Variants in DENND1A observed in about 807,000 individuals in gnomAD.
DENND1A encodes the protein DENN domain containing 1A.
In DENND1A, 51 loss-of-function variants were observed where a neutral mutation model predicts 113.7. That is an observed-to-expected ratio of 0.45 (90% CI 0.36 to 0.57). The LOEUF (loss-of-function observed/expected upper bound fraction) is 0.57. Among genes scored for constraint, DENND1A ranks in the 20% least tolerant of loss-of-function variants. The probability of loss-of-function intolerance (pLI) is 0.00; values close to 1 mark genes in which losing one functional copy is unlikely to be tolerated. For synonymous variants in DENND1A, 565 were observed against 570.8 expected, an observed-to-expected ratio of 0.99 and a Z score of 0.14; for missense variants, 1,258 against 1,395.9, an observed-to-expected ratio of 0.90 and a Z score of 1.57.
At chr9:123,831,842 G>C (rs933692018) in intron 2 of DENND1A, among the ~76,000 whole-genome samples, 1 of 152,144 alleles carries the variant, frequency 6.6e-6, no homozygotes, top group Non-Finnish European at 1.5e-5. Flanking sequence ...AATGAGACAG[G>C]CATGGTGGTG....
In DENND1A at chr9:123,382,060, C is replaced by T. The variant is rs768909607; in HGVS notation, c.2585G>A (p.Arg862His). Residue 862 changes from arginine (R) to histidine (H), a missense_variant, in exon 24 of 24, where the codon CGC (arginine) becomes CAC (histidine). Physicochemically the swap from Arg to His is conservative, Grantham distance 29. Coordinates refer to ENST00000394215, the MANE Select transcript of DENND1A (RefSeq NM_001352964.2). Reference sequence around the variant, plus strand: ...GGTGGCTACATTCGGGGTGGCGGGGCGTGACGGGAGGGTGCTGCCTGACCA... The same window carrying T: ...GGTGGCTACATTCGGGGTGGCGGGGTGTGACGGGAGGGTGCTGCCTGACCA... ...TAWSGSTLPS[R>H]PATPNVATPF... 9.3e-6 allele frequency: 14 copies of T among 1,502,356 alleles called. No individual in the cohort carries two copies. The African/African-American group carries it at 1.3e-4, about 14-fold the overall frequency. The allele number at this position is 1,502,356 out of a possible 1,614,324, so 93.1% of individuals were successfully genotyped here.
chr9:123,810,168 T>C (rs570656264), intron 2 of DENND1A, among the ~76,000 whole-genome samples: 9 of 152,256 alleles, frequency 5.9e-5, no homozygotes, highest in African/African-American at 2.2e-4. Context: ...AATTCTATCT[T>C]AAAAGATCTC....
intron 2 of DENND1A, among the ~76,000 whole-genome samples, chr9:123,850,130 C>A (rs368478800): frequency 6.6e-6 from 1 of 152,138 alleles, no homozygotes; most frequent in Non-Finnish European, 1.5e-5. Flanking sequence ...GAGAGGTTTC[C>A]GATTCTAAAA....
chr9:123,536,466 CAAAAAAAAA>C (rs549789129), intron 13 of DENND1A, among the ~76,000 whole-genome samples: 1 of 91,784 alleles, frequency 1.1e-5, no homozygotes, highest in Non-Finnish European at 2.4e-5. Flanking sequence ...ACTCTGTCTC[CAAAAAAAAA>C]AAAAAAAGAA....
intron 13 of DENND1A, among the ~76,000 whole-genome samples, chr9:123,547,375 CA>C (rs1173490596): frequency 6.6e-6 from 1 of 152,124 alleles, no homozygotes; most frequent in Admixed American, 6.5e-5. Flanking sequence ...ACTAAAAATA[CA>C]AAATTAGCTG....
intron 2 of DENND1A, among the ~76,000 whole-genome samples, chr9:123,830,873 G>GAAAAAA (rs71390447): frequency 5.1e-5 from 2 of 39,310 alleles, no homozygotes; most frequent in Non-Finnish European, 4.5e-5. Flanking sequence ...TCTCAAAAAT[G>GAAAAAA]AAAAAAAAAA....
At chr9:123,485,122 T>A (rs1236366076) in intron 13 of DENND1A, among the ~76,000 whole-genome samples, 3 of 152,126 alleles carry the variant, frequency 2.0e-5, no homozygotes, top group Non-Finnish European at 4.4e-5. Context: ...GGATCCCCAG[T>A]GTTGGGGGAG....
At chr9:123,800,651 A>C (rs1219923735) in intron 2 of DENND1A, among the ~76,000 whole-genome samples, 1 of 152,236 alleles carries the variant, frequency 6.6e-6, no homozygotes, top group Non-Finnish European at 1.5e-5. Flanking sequence ...TTCATGAAAC[A>C]GGCCTTAGCG....
At chr9:123,465,576 C>T (rs192980558) in intron 13 of DENND1A, among the ~76,000 whole-genome samples, 22 of 152,274 alleles carry the variant, frequency 1.4e-4, no homozygotes, top group Admixed American at 9.8e-4. Flanking sequence ...CAAATAGATT[C>T]TTTCACAATA....
intron 1 of DENND1A, among the ~76,000 whole-genome samples, chr9:123,909,220 G>A (rs1853482881): frequency 6.6e-6 from 1 of 152,054 alleles, no homozygotes; most frequent in Non-Finnish European, 1.5e-5. Context: ...AGTGGGAAGG[G>A]ATAGCATTGG....
At chr9:123,706,966 A>G (rs954242692) in intron 5 of DENND1A, among the ~76,000 whole-genome samples, 3 of 152,162 alleles carry the variant, frequency 2.0e-5, no homozygotes, top group Non-Finnish European at 4.4e-5. Context: ...GATAGCCAAG[A>G]GAAGGTGTAA....
At chr9:123,447,376 A>G (rs944908507) in intron 18 of DENND1A, among the ~76,000 whole-genome samples, 2 of 152,182 alleles carry the variant, frequency 1.3e-5, no homozygotes, top group Non-Finnish European at 2.9e-5. Context: ...TTATTTGCCA[A>G]TGGTCACACA....
At chr9:123,496,327 T>C (rs909856032) in intron 13 of DENND1A, among the ~76,000 whole-genome samples, 1 of 152,228 alleles carries the variant, frequency 6.6e-6, no homozygotes, top group Admixed American at 6.5e-5. Flanking sequence ...CTCACTGCTT[T>C]TCCTGGTGCT....
At chr9:123,619,781 A>G (rs190950758) in intron 10 of DENND1A, among the ~76,000 whole-genome samples, 102 of 152,326 alleles carry the variant, frequency 6.7e-4, no homozygotes, top group Non-Finnish European at 2.2e-4. Flanking sequence ...AACTTAAAAA[A>G]TGTAGCAGAG....
chr9:123,810,528 A>G (rs13439964), intron 2 of DENND1A, among the ~76,000 whole-genome samples: 9,615 of 133,360 alleles, frequency 0.072, 492 homozygotes, highest in African/African-American at 0.15. Context: ...CCTGAGCAAC[A>G]TGGTGAAAAC....
chr9:123,477,548 T>C (rs1007265393), intron 13 of DENND1A, among the ~76,000 whole-genome samples: 36 of 151,616 alleles, frequency 2.4e-4, no homozygotes, highest in African/African-American at 8.0e-4. Context: ...TGACGTAACA[T>C]GGACACAGTG....
chr9:123,748,860 C>T (rs1166475874), intron 5 of DENND1A, among the ~76,000 whole-genome samples: 1 of 152,132 alleles, frequency 6.6e-6, no homozygotes, highest in East Asian at 1.9e-4. Flanking sequence ...TCCCTCATGT[C>T]GAATTCTGAG....
chr9:123,573,439 A>T lies in DENND1A; in HGVS notation c.867+9730T>A, dbSNP rs76580927. Among the ~76,000 whole-genome samples the T allele has an allele frequency of 6.8e-3, 1,028 of 152,264 alleles. 10 individuals carry two copies. Among genetic ancestry groups the T allele is most frequent in the African/African-American group, 0.022 (935 of 41,572 alleles). The stretch of plus-strand genomic sequence containing the variant: ...AGTCTTCCAATCCAAAACATGGAAT[A>T]GCTCTCCATTTATTTAGGTCTTTTA... On this transcript the variant is annotated intron_variant, in intron 12 of 23. Transcript: ENST00000394215.
intron 5 of DENND1A, among the ~76,000 whole-genome samples, chr9:123,737,187 T>C (rs938592117): frequency 2.6e-5 from 4 of 152,130 alleles, no homozygotes; most frequent in African/African-American, 4.8e-5. Context: ...AACTCAGTTT[T>C]GGTTGTTGTT....
Sources: gnomAD v4.1 joint callset for allele counts (sites outside exome capture counted in the v4.1 genomes callset) on GRCh38, gnomAD v4.1.1 for gene constraint, MANE v1.5 for transcripts, NCBI Gene and HGNC (gene_info 2026-07-23, HGNC 2026-07-21) for gene names.